MTHFD1L: variants seen among roughly 807,000 people sequenced by gnomAD.
MTHFD1L encodes the protein methylenetetrahydrofolate dehydrogenase (NADP+ dependent) 1 like, also known as monofunctional C1-tetrahydrofolate synthase, mitochondrial.
A neutral mutation model predicts 119.5 loss-of-function variants in MTHFD1L; 81 were observed. The observed-to-expected ratio is 0.68, with a 90% CI of 0.57 to 0.82. The LOEUF is 0.82. MTHFD1L is among the 40% of genes least tolerant of loss of function. The pLI is 0.00. For missense variants in MTHFD1L, 1,125 were observed against 1,253.4 expected (o/e 0.90, Z 1.55); for synonymous variants, 430 against 475.2 (o/e 0.90, Z 1.24).
chr6:150,866,163 G>A, intron 1 of MTHFD1L, 114 bp downstream of exon 1: 1 of 1,386,604 alleles, frequency 7.2e-7, no homozygotes, highest in Non-Finnish European at 9.4e-7. Flanking sequence ...AGTGTTTGGT[G>A]CCAACTCATT....
chr6:150,976,550 G>C (rs1302466298), intron 20 of MTHFD1L, among the ~76,000 whole-genome samples: 1 of 152,196 alleles, frequency 6.6e-6, no homozygotes, highest in Non-Finnish European at 1.5e-5. Flanking sequence ...AGGAATTCAT[G>C]TTCTTCAAAA....
chr6:150,878,779 A>G (rs748602730), intron 4 of MTHFD1L, among the ~76,000 whole-genome samples: 4 of 152,190 alleles, frequency 2.6e-5, no homozygotes, highest in Non-Finnish European at 5.9e-5. Flanking sequence ...GCCTTGTGCT[A>G]TGTAAACAAG....
At position 150,926,102 on chromosome 6, in the gene MTHFD1L, C is replaced by T. The variant is rs201495004; in HGVS notation, c.1083-20C>T. ...AAGCTGAGAAGCCTTTTCTCTCTTT[C>T]GTATTGTCTTTCCCCTCAGTGACAT... On this transcript the variant is annotated intron_variant, in intron 10 of 27. Coordinates refer to ENST00000367321, the MANE Select transcript of MTHFD1L (RefSeq NM_015440.5). This position sits in a 1 kb window ranked among gnomAD's most constrained non-coding sequence, Gnocchi z 4.3. The T allele has an allele frequency of 2.2e-4, 355 of 1,602,200 alleles. 8 individuals carry two copies. Among genetic ancestry groups the T allele is most frequent in the South Asian group, 2.2e-3 (194 of 89,932 alleles).
intron 20 of MTHFD1L, among the ~76,000 whole-genome samples, chr6:150,994,434 G>A (rs1779546957): frequency 1.3e-5 from 2 of 152,152 alleles, no homozygotes; most frequent in Non-Finnish European, 2.9e-5. Flanking sequence ...AAGGTGAGTT[G>A]CCAATCCACT....
intron 10 of MTHFD1L, among the ~76,000 whole-genome samples, chr6:150,925,777 T>G (rs994130302): frequency 6.6e-6 from 1 of 152,160 alleles, no homozygotes; most frequent in Admixed American, 6.6e-5. Context: ...AATACCATGA[T>G]GGCCCATACA....
rs1033804484 is a variant in MTHFD1L at position 150,938,880 on chromosome 6, G to A, written c.1440+135G>A. ...CATTAAGGCTCTGAAACCCCAAAAT[G>A]TTTGCATAACTCATGCAGTGACAAA... On this transcript the variant is annotated intron_variant, in intron 13 of 27. Transcript: ENST00000367321. 141 of 954,270 alleles carry A rather than the reference G, an allele frequency of 1.5e-4. 1 individual carries two copies. In the Admixed American group the frequency reaches 2.9e-3, roughly 20 times the overall value. The allele number at this position is 954,270 out of a possible 1,614,324, so 59.1% of individuals were successfully genotyped here. A position where few individuals can be genotyped will look rare whatever the true frequency, so the allele number is the denominator to read the frequency against.
intron 27 of MTHFD1L, chr6:151,099,679 C>A: frequency 6.2e-7 from 1 of 1,606,792 alleles, no homozygotes; most frequent in South Asian, 1.1e-5. Flanking sequence ...ATTCAGGGTC[C>A]AGATCTTGAT....
At position 150,965,057 on chromosome 6, in the gene MTHFD1L, T is replaced by C. The variant is rs372204804; in HGVS notation, c.2013+20T>C. ...CTGGAAGTAAGTGGTTTTCTTCTTA[T>C]AGTAATTGTTTGCATTAACTGGATT... is the stretch of plus-strand genomic sequence containing the variant. On this transcript the variant is annotated intron_variant, in intron 19 of 27. Coordinates refer to ENST00000367321, the MANE Select transcript of MTHFD1L (RefSeq NM_015440.5). The C allele has an allele frequency of 3.0e-5, 48 of 1,609,214 alleles. No individual in the cohort carries two copies. Among genetic ancestry groups the C allele is most frequent in the Non-Finnish European group, 3.9e-5 (46 of 1,175,754 alleles).
chr6:150,988,991 C>T (rs1048066928), intron 20 of MTHFD1L, among the ~76,000 whole-genome samples: 1 of 152,154 alleles, frequency 6.6e-6, no homozygotes, highest in Admixed American at 6.5e-5. Flanking sequence ...CTGCCCACCT[C>T]AGCTTCCCAA....
chr6:150,902,550 G>A (rs1785237057), intron 7 of MTHFD1L, among the ~76,000 whole-genome samples: 1 of 152,104 alleles, frequency 6.6e-6, no homozygotes, highest in Non-Finnish European at 1.5e-5. Flanking sequence ...TCCTGGGCAG[G>A]CTATTTACTG....
intron 26 of MTHFD1L, among the ~76,000 whole-genome samples, chr6:151,062,779 A>G (rs1339552639): frequency 6.6e-6 from 1 of 152,068 alleles, no homozygotes; most frequent in Non-Finnish European, 1.5e-5. Context: ...CCAGTTTTGG[A>G]TTTCATTCTT....
chr6:150,910,110 G>A (rs1349819503), intron 8 of MTHFD1L, among the ~76,000 whole-genome samples: 1 of 151,848 alleles, frequency 6.6e-6, no homozygotes, highest in Non-Finnish European at 1.5e-5. Flanking sequence ...GAATCCAAGA[G>A]GCAGAGGTTG....
At chr6:151,037,377 T>C (rs900576705) in intron 26 of MTHFD1L, among the ~76,000 whole-genome samples, 26 of 152,130 alleles carry the variant, frequency 1.7e-4, no homozygotes, top group African/African-American at 6.0e-4. Flanking sequence ...AGTAAGAACA[T>C]AACTTGGGAG....
At chr6:151,050,510 T>C (rs1015908717) in intron 26 of MTHFD1L, among the ~76,000 whole-genome samples, 3 of 152,212 alleles carry the variant, frequency 2.0e-5, no homozygotes, top group African/African-American at 7.2e-5. Flanking sequence ...GTGTTTCCTT[T>C]AGTTCTGTTA....
intron 24 of MTHFD1L, among the ~76,000 whole-genome samples, chr6:151,026,293 T>G (rs1784592877): frequency 6.6e-6 from 1 of 152,200 alleles, no homozygotes; most frequent in Admixed American, 6.5e-5. Context: ...TCAGCTAGTG[T>G]TTATGTTGTG....
chr6:151,062,090 A>G (rs79057636), intron 26 of MTHFD1L, among the ~76,000 whole-genome samples: 4,918 of 152,302 alleles, frequency 0.032, 156 homozygotes, highest in Admixed American at 0.1. Context: ...CTCTAAGTCA[A>G]CTGTTCATGT....
At chr6:150,996,933 G>A (rs1340195920) in intron 20 of MTHFD1L, among the ~76,000 whole-genome samples, 1 of 152,154 alleles carries the variant, frequency 6.6e-6, no homozygotes, top group African/African-American at 2.4e-5. Context: ...GGAGAAAGCT[G>A]GGAAAAGAGC....
At chr6:151,043,757 G>A (rs191682244) in intron 26 of MTHFD1L, among the ~76,000 whole-genome samples, 48 of 152,246 alleles carry the variant, frequency 3.2e-4, no homozygotes, top group African/African-American at 9.6e-4. Context: ...ACAGCAATTT[G>A]TGGCAACACT....
chr6:150,950,849 A>G (rs1374203439), intron 16 of MTHFD1L, among the ~76,000 whole-genome samples: 1 of 151,836 alleles, frequency 6.6e-6, no homozygotes, highest in Non-Finnish European at 1.5e-5. Context: ...TTTGTATTTT[A>G]CTAGAGATGG....
Sources: allele counts gnomAD v4.1 joint callset (sites outside exome capture counted in the v4.1 genomes callset), GRCh38; gene constraint gnomAD v4.1.1; non-coding constraint Gnocchi (gnomAD v3.1); transcripts MANE v1.5; gene names NCBI Gene and HGNC (gene_info 2026-07-23, HGNC 2026-07-21).